ATRNL1: variants seen among roughly 807,000 people sequenced by gnomAD.
ATRNL1 encodes the protein attractin like 1.
A neutral mutation model predicts 182.7 loss-of-function variants in ATRNL1; 95 were observed. The ratio of observed to expected loss-of-function variants is 0.52; its 90% CI spans 0.44 to 0.62. The LOEUF is 0.62. Ranked by LOEUF, ATRNL1 falls within the 20% of genes least tolerant of loss-of-function variation. The pLI, the probability that ATRNL1 is intolerant of heterozygous loss-of-function variation, is 0.00. For missense variants in ATRNL1, 1,471 were observed against 1,679.5 expected (o/e 0.88, Z 2.17); for synonymous variants, 576 against 568.3 (o/e 1.01, Z -0.19).
At chr10:115,641,065 T>C (rs1482281648) in intron 26 of ATRNL1, among the ~76,000 whole-genome samples, 1 of 152,104 alleles carries the variant, frequency 6.6e-6, no homozygotes, top group Non-Finnish European at 1.5e-5. Context: ...AGGAACAAAA[T>C]GCAGTTGCTT....
chr10:115,349,442 G>C (rs1177774354), intron 19 of ATRNL1, among the ~76,000 whole-genome samples: 1 of 152,116 alleles, frequency 6.6e-6, no homozygotes, highest in African/African-American at 2.4e-5. Flanking sequence ...ATATTTCTTT[G>C]ATATACTGAT....
intron 8 of ATRNL1, among the ~76,000 whole-genome samples, chr10:115,193,198 T>G (rs977236036): frequency 6.6e-6 from 1 of 151,974 alleles, no homozygotes; most frequent in Admixed American, 6.6e-5. Flanking sequence ...TAGCTGTGGG[T>G]TTGTTGTATG....
chr10:115,810,704 A>G (rs1224945900), intron 27 of ATRNL1, among the ~76,000 whole-genome samples: 1 of 151,834 alleles, frequency 6.6e-6, no homozygotes, highest in East Asian at 1.9e-4. Flanking sequence ...TGTTCAAGTT[A>G]TATAGTTCTT....
intron 19 of ATRNL1, among the ~76,000 whole-genome samples, chr10:115,347,489 C>G (rs1475652762): frequency 6.6e-6 from 1 of 151,954 alleles, no homozygotes; most frequent in Non-Finnish European, 1.5e-5. Flanking sequence ...TATTACTATT[C>G]TTTCATTTTT....
chr10:115,944,630 A>AT (rs1565507298), intron 28 of ATRNL1, 28 bp from the exon 29 acceptor site: 1 of 1,583,200 alleles, frequency 6.3e-7, no homozygotes, highest in South Asian at 1.2e-5. Flanking sequence ...CTAAGCAAGC[A>AT]TTTAAATGCT....
At chr10:115,935,102 G>A (rs1281490181) in intron 28 of ATRNL1, among the ~76,000 whole-genome samples, 1 of 152,076 alleles carries the variant, frequency 6.6e-6, no homozygotes, top group East Asian at 1.9e-4. Flanking sequence ...TTTCCTCATG[G>A]CTTCTGCCTG....
At chr10:115,727,740 G>A (rs781903732) in intron 27 of ATRNL1, among the ~76,000 whole-genome samples, 14 of 152,096 alleles carry the variant, frequency 9.2e-5, no homozygotes, top group Non-Finnish European at 1.8e-4. Flanking sequence ...CTTAGAAAAG[G>A]TACGAGTGGA....
intron 15 of ATRNL1, among the ~76,000 whole-genome samples, chr10:115,291,121 A>G (rs1176915163): frequency 1.3e-5 from 2 of 152,198 alleles, no homozygotes; most frequent in Admixed American, 6.5e-5. Context: ...TAGAAAAATA[A>G]TGATTTTGGA....
At chr10:115,230,870 TGAGAGAGAGA>T (rs1169884107) in intron 9 of ATRNL1, among the ~76,000 whole-genome samples, 2,817 of 83,694 alleles carry the variant, frequency 0.034, 30 homozygotes, top group East Asian at 0.057. Flanking sequence ...ATAGAGTGGA[TGAGAGAGAGA>T]GAGAGAGAGA....
At chr10:115,287,639 A>G (rs980786023) in intron 15 of ATRNL1, among the ~76,000 whole-genome samples, 7 of 152,136 alleles carry the variant, frequency 4.6e-5, no homozygotes, top group Admixed American at 3.9e-4. Context: ...CATATAATGT[A>G]TAGTGAGCAA....
At chr10:115,497,288 A>G (rs1849597918) in intron 24 of ATRNL1, among the ~76,000 whole-genome samples, 1 of 152,118 alleles carries the variant, frequency 6.6e-6, no homozygotes, top group Admixed American at 6.6e-5. Context: ...CGTAAATTCT[A>G]TGGATGGGTT....
intron 19 of ATRNL1, among the ~76,000 whole-genome samples, chr10:115,364,911 A>G (rs1474108799): frequency 6.6e-6 from 1 of 151,316 alleles, no homozygotes; most frequent in Admixed American, 6.6e-5. Context: ...GTGCTGCTGG[A>G]TTCAGTTTGC....
chr10:115,872,727 G>A (rs546909777), intron 28 of ATRNL1, among the ~76,000 whole-genome samples: 71 of 152,174 alleles, frequency 4.7e-4, no homozygotes, highest in Non-Finnish European at 5.6e-4. Flanking sequence ...TGCAGTTTCC[G>A]GGAGATACTG....
At chr10:115,327,811 C>A (rs1415403512) in intron 18 of ATRNL1, among the ~76,000 whole-genome samples, 4 of 151,918 alleles carry the variant, frequency 2.6e-5, no homozygotes, top group Non-Finnish European at 4.4e-5. Flanking sequence ...TGGAAATCAT[C>A]ATTCTCAGTA....
rs1252948431 is a variant in ATRNL1, at chr10:115,662,920, A to T, written c.3796-64328A>T. 2.0e-5 allele frequency among the ~76,000 whole-genome samples: 3 copies of T among 152,178 alleles called. No homozygotes were observed. The East Asian group carries it at 5.8e-4, about 29-fold the overall frequency. On this transcript the variant is annotated intron_variant, in intron 26 of 28. Transcript: ENST00000355044. ...AAAGGAAGTAGTTGATATATCCTTG[A>T]CATCTGCTGCTAAAAATTAGATTAC...
At chr10:115,192,839 GGATTAC>G (rs1266491916) in intron 8 of ATRNL1, among the ~76,000 whole-genome samples, 3 of 151,808 alleles carry the variant, frequency 2.0e-5, no homozygotes, top group Admixed American at 6.6e-5. Context: ...ATTTTAAATG[GGATTAC>G]TTTTTTTTGG....
chr10:115,273,298 T>G (rs781812955), intron 13 of ATRNL1, among the ~76,000 whole-genome samples: 31 of 152,206 alleles, frequency 2.0e-4, no homozygotes, highest in Non-Finnish European at 4.1e-4. Context: ...ACAGAAGTGG[T>G]CATCTTATCC....
At chr10:115,498,696 A>G (rs954044674) in intron 24 of ATRNL1, among the ~76,000 whole-genome samples, 2 of 151,868 alleles carry the variant, frequency 1.3e-5, no homozygotes, top group East Asian at 1.9e-4. Context: ...ATAAATATGG[A>G]TATCAATATT....
At chr10:115,531,443 T>C (rs1554988223) in intron 25 of ATRNL1, among the ~76,000 whole-genome samples, 1 of 152,230 alleles carries the variant, frequency 6.6e-6, no homozygotes, top group Admixed American at 6.5e-5. Flanking sequence ...GAAGTGTCTG[T>C]TCATACCCTT....
Sources: gnomAD v4.1 joint callset for allele counts (sites outside exome capture counted in the v4.1 genomes callset) on GRCh38, gnomAD v4.1.1 for gene constraint, MANE v1.5 for transcripts, NCBI Gene and HGNC (gene_info 2026-07-23, HGNC 2026-07-21) for gene names.